Variants in ZNF208 observed in about 807,000 individuals in gnomAD.
The protein encoded by ZNF208 is zinc finger protein 208.
Under a neutral mutation model 12.1 loss-of-function variants are expected in ZNF208, and 10 were observed. That is an observed-to-expected ratio of 0.83 (90% CI 0.51 to 1.40). ZNF208 has a LOEUF of 1.40. Among genes scored for constraint, ZNF208 ranks in the 40% most tolerant of loss-of-function variants. The pLI is 0.00. For synonymous variants in ZNF208, 497 were observed against 488.4 expected (o/e 1.02, Z -0.23); for missense variants, 1,652 against 1,485.0 (o/e 1.11, Z -1.85).
At chr19:21,989,554 T>C (rs1970692265) in intron 1 of ZNF208, among the ~76,000 whole-genome samples, 1 of 152,112 alleles carries the variant, frequency 6.6e-6, no homozygotes, top group Non-Finnish European at 1.5e-5. Context: ...CGTGTGCATG[T>C]GTCTTTATAG....
At chr19:21,977,897 G>T (rs1970462820) in intron 3 of ZNF208, among the ~76,000 whole-genome samples, 1 of 152,188 alleles carries the variant, frequency 6.6e-6, no homozygotes, top group Non-Finnish European at 1.5e-5. Flanking sequence ...CTTGGTGGGG[G>T]AAGGGCGTCC....
downstream of ZNF208, among the ~76,000 whole-genome samples, chr19:21,961,343 T>C (rs1351737213): frequency 6.6e-6 from 1 of 152,104 alleles, no homozygotes; most frequent in African/African-American, 2.4e-5. Context: ...AAAGATCACA[T>C]GCTTCAAAGG....
intron 1 of ZNF208, among the ~76,000 whole-genome samples, chr19:22,005,680 C>G (rs1263115060): frequency 1.3e-5 from 2 of 152,128 alleles, no homozygotes; most frequent in Non-Finnish European, 2.9e-5. Flanking sequence ...ACTCCCATAA[C>G]CTTTTTGAAA....
Position 21,973,237 on chromosome 19 carries a change from A to T in ZNF208, c.1797T>A (p.His599Gln). ...GTTTCTCACCAGTATGAATTCTCTTATGTTTAATAAGAATTGCAGATTGGT... is the reference window on the plus strand; with the variant it reads ...GTTTCTCACCAGTATGAATTCTCTTTTGTTTAATAAGAATTGCAGATTGGT... Reference protein sequence around the residue: ...AFNQSAILIKHKRIHTGEKPY... With the variant: ...AFNQSAILIKQKRIHTGEKPY... Residue 599 changes from histidine (H) to glutamine (Q), a missense_variant, in exon 4 of 4, where the codon CAT (histidine) becomes CAA (glutamine). Around this residue, in one of 3 missense-constraint regions of ZNF208, gnomAD observed 1,239 missense variants for 1,086.2 expected, o/e 1.14. Transcript: ENST00000397126. The T allele has an allele frequency of 5.0e-6, 8 of 1,613,450 alleles. No individual in the cohort carries two copies. The highest frequency in any genetic ancestry group is 6.8e-6 in the Non-Finnish European group (8 of 1,179,888).
intron 4 of ZNF208, among the ~76,000 whole-genome samples, chr19:21,947,897 T>A (rs1969836910): frequency 6.6e-6 from 1 of 151,992 alleles, no homozygotes. Context: ...TTGGGCTGAG[T>A]GGATCTAGAA....
At chr19:21,989,877 T>C (rs1970699860) in intron 1 of ZNF208, among the ~76,000 whole-genome samples, 1 of 152,240 alleles carries the variant, frequency 6.6e-6, no homozygotes. Flanking sequence ...TGCATAAATA[T>C]CTTCTTTGGA....
intron 3 of ZNF208, among the ~76,000 whole-genome samples, chr19:21,975,958 A>C (rs1970424246): frequency 6.6e-6 from 1 of 151,416 alleles, no homozygotes; most frequent in South Asian, 2.1e-4. Context: ...AGCACTGCAT[A>C]TGTCTTCCAT....
intron 4 of ZNF208, among the ~76,000 whole-genome samples, chr19:21,944,125 T>C (rs1249002389): frequency 2.0e-5 from 3 of 152,230 alleles, no homozygotes; most frequent in Non-Finnish European, 4.4e-5. Context: ...TCAGTAGATA[T>C]TTCCCTCAGT....
At chr19:21,943,052 G>C (rs1398669706) in intron 4 of ZNF208, among the ~76,000 whole-genome samples, 2 of 152,082 alleles carry the variant, frequency 1.3e-5, no homozygotes, top group African/African-American at 4.8e-5. Flanking sequence ...AAATTCTCCT[G>C]TTATTGTCTG....
intron 4 of ZNF208, among the ~76,000 whole-genome samples, chr19:21,945,127 G>T (rs745947161): frequency 1.3e-5 from 2 of 152,150 alleles, no homozygotes; most frequent in Non-Finnish European, 2.9e-5. Flanking sequence ...CTGTGTCCGT[G>T]CATCAAGAGG....
chr19:21,991,216 G>A (rs1476789216), intron 1 of ZNF208, among the ~76,000 whole-genome samples: 2 of 152,018 alleles, frequency 1.3e-5, no homozygotes, highest in Admixed American at 1.3e-4. Flanking sequence ...AGTTTTTGCC[G>A]ATTCAGTATG....
chr19:21,974,946 G>T, intron 3 of ZNF208, 139 bp from the exon 4 acceptor site: 1 of 1,078,114 alleles, frequency 9.3e-7, no homozygotes, highest in Non-Finnish European at 1.3e-6. Context: ...ATTCTTCATA[G>T]ACATATAAAT....
At chr19:21,990,005 T>G (rs1970702628) in intron 1 of ZNF208, among the ~76,000 whole-genome samples, 1 of 152,200 alleles carries the variant, frequency 6.6e-6, no homozygotes, top group East Asian at 1.9e-4. Context: ...ATGAGTAGTT[T>G]GCGAAAATTT....
At position 21,973,412 on chromosome 19, in the gene ZNF208, G is replaced by C. The variant is rs1257473032; in HGVS notation, c.1622C>G (p.Thr541Ser). The C allele has an allele frequency of 1.2e-6, 2 of 1,611,004 alleles. No individual in the cohort carries two copies. The highest frequency in any genetic ancestry group is 2.2e-5 in the East Asian group (1 of 44,686). ...TCCAGTATGAATTACCTTATGTTTAGTAAGGATTGAGAATGTACTGAAGCT... is the reference window on the plus strand; with the variant it reads ...TCCAGTATGAATTACCTTATGTTTACTAAGGATTGAGAATGTACTGAAGCT... ...GKSFSTFSIL[T>S]KHKVIHTGEK... Residue 541 changes from threonine (T) to serine (S), a missense_variant, in exon 4 of 4, where the codon ACT (threonine) becomes AGT (serine). Thr to Ser is a moderately conservative substitution (Grantham distance 58). Transcript: ENST00000397126.
chr19:21,988,815 A>G lies in ZNF208; in HGVS notation c.98T>C (p.Met33Thr). 1.2e-6 allele frequency: 2 copies of G among 1,614,182 alleles called. No homozygotes were observed. The highest frequency in any genetic ancestry group is 8.5e-7 in the Non-Finnish European group (1 of 1,179,994). Residue 33 changes from methionine to threonine, a missense_variant, in exon 2 of 4, where the codon ATG (methionine) becomes ACG (threonine). Met to Thr is a moderately conservative substitution (Grantham distance 81). Coordinates refer to ENST00000397126, the MANE Select transcript of ZNF208 (RefSeq NM_007153.3). Reference sequence around the variant, plus strand: ...GACCAGGTTTCTGTAGTTCTCTAACATCACATTTCTATATAAATTCTGCTG... The same window carrying G: ...GACCAGGTTTCTGTAGTTCTCTAACGTCACATTTCTATATAAATTCTGCTG... ...TAQQNLYRNV[M>T]LENYRNLVFL...
intron 4 of ZNF208, among the ~76,000 whole-genome samples, chr19:21,944,804 A>G (rs1281165551): frequency 6.6e-6 from 1 of 152,218 alleles, no homozygotes; most frequent in African/African-American, 2.4e-5. Flanking sequence ...AGTTTGGAAT[A>G]AATCAAGACA....
chr19:21,953,616 A>AT (rs1969926996), intron 4 of ZNF208, among the ~76,000 whole-genome samples: 1 of 152,174 alleles, frequency 6.6e-6, no homozygotes, highest in Non-Finnish European at 1.5e-5. Context: ...ATGCTGACAG[A>AT]TTTTGTCACC....
At position 21,974,809 on chromosome 19, in the gene ZNF208, T is replaced by G. The variant is rs771326656; in HGVS notation, c.227-2A>C. The stretch of plus-strand genomic sequence containing the variant: ...CTTGAGCAAAATGAGAACATATAAC[T>G]GAAAAGAAATAAAAATCACAAATTA... On this transcript the variant is annotated splice_acceptor_variant, in intron 3 of 3. Transcript: ENST00000397126. LOFTEE classifies it high-confidence loss of function. 5.9e-6 allele frequency: 9 copies of G among 1,528,506 alleles called. No homozygotes were observed. The African/African-American group carries it at 1.1e-4, about 19-fold the overall frequency. The allele number at this position is 1,528,506 out of a possible 1,614,324, so 94.7% of individuals were successfully genotyped here. A position where few individuals can be genotyped will look rare whatever the true frequency, so the allele number is the denominator to read the frequency against.
At chr19:21,965,836 CAA>C (rs1424397463), downstream of ZNF208, 2 of 151,682 alleles carry the variant, frequency 1.3e-5, no homozygotes, top group African/African-American at 2.4e-5. Context: ...CATTTTCCCC[CAA>C]AAGAGTACAG....
Sources: gnomAD v4.1 joint callset for allele counts (sites outside exome capture counted in the v4.1 genomes callset) on GRCh38, gnomAD v4.1.1 for gene constraint, gnomAD v4.1.1 regional missense constraint, MANE v1.5 for transcripts, NCBI Gene and HGNC (gene_info 2026-07-23, HGNC 2026-07-21) for gene names.